SORBS2: variants seen among roughly 807,000 people sequenced by gnomAD.
SORBS2 encodes the protein sorbin and SH3 domain-containing protein 2.
SORBS2 carries 46 observed loss-of-function variants against 97.7 expected under a neutral mutation model. The observed-to-expected ratio is 0.47, with a 90% CI of 0.37 to 0.60. The LOEUF (loss-of-function observed/expected upper bound fraction) is 0.60. Ranked by LOEUF, SORBS2 falls within the 20% of genes least tolerant of loss-of-function variation. SORBS2 has a pLI of 0.00. For missense variants in SORBS2, 1,316 were observed against 1,282.3 expected, an observed-to-expected ratio of 1.03 and a Z score of -0.40; for synonymous variants, 476 against 473.4, an observed-to-expected ratio of 1.01 and a Z score of -0.07.
At chr4:185,704,637 T>C (rs1420156556) in intron 2 of SORBS2, among the ~76,000 whole-genome samples, 39 of 151,536 alleles carry the variant, frequency 2.6e-4, no homozygotes, top group Non-Finnish European at 8.8e-5. Flanking sequence ...CATTATTCAA[T>C]TCATTAATCA....
At chr4:185,585,756 T>C (rs1462757892) in exon 15 of SORBS2, 1 of 152,242 alleles carries the variant, frequency 6.6e-6, no homozygotes, top group Non-Finnish European at 1.5e-5. Flanking sequence ...CAAAGCTGCA[T>C]GCAGTTGACT....
At chr4:185,855,301 G>T (rs1388762414) in intron 1 of SORBS2, among the ~76,000 whole-genome samples, 1 of 152,082 alleles carries the variant, frequency 6.6e-6, no homozygotes, top group Admixed American at 6.5e-5. Flanking sequence ...CACAACTCAG[G>T]TGTGAGACGT....
Position 185,623,977 on chromosome 4 carries a change from G to T in SORBS2, c.1152C>A (p.Tyr384Ter). The T allele has an allele frequency of 6.2e-7, 1 of 1,614,204 alleles. No individual in the cohort carries two copies. Among genetic ancestry groups the T allele is most frequent in the Non-Finnish European group, 8.5e-7 (1 of 1,180,038 alleles). The change falls in exon 7 of 15, where the codon TAC becomes TAA. Residue 384 changes from tyrosine (Y) to a stop codon, truncating the protein, a stop_gained. Transcript: ENST00000418609. LOFTEE classifies it high-confidence loss of function. The surrounding 1 kb of genome is among the most constrained non-coding windows in gnomAD (Gnocchi z 6.4). ...GGTCCTTGTGCTGCTGCTCGCTCTC[G>T]TACTGCAGAATCCTGGACTTCACGG...
At chr4:185,624,202 C>A (rs1407129111) in exon 7 of SORBS2, 1 of 1,614,214 alleles carries the variant, frequency 6.2e-7, no homozygotes. Context: ...ACAGGGAGCC[C>A]ATGCTTTCCG....
chr4:185,929,654 G>A (rs1176776524), intron 1 of SORBS2, among the ~76,000 whole-genome samples: 1 of 151,646 alleles, frequency 6.6e-6, no homozygotes, highest in African/African-American at 2.4e-5. Context: ...TCCTGCCTCA[G>A]CCTCCCGAAT....
intron 1 of SORBS2, among the ~76,000 whole-genome samples, chr4:185,886,410 C>A (rs1029443516): frequency 8.6e-5 from 13 of 151,746 alleles, no homozygotes; most frequent in African/African-American, 3.1e-4. Context: ...AAAAAATTAG[C>A]CGGGCATGGT....
intron 4 of SORBS2, among the ~76,000 whole-genome samples, chr4:185,663,170 A>T (rs1284344753): frequency 6.6e-6 from 1 of 152,222 alleles, no homozygotes. Context: ...AAGATCAAAC[A>T]TTAGTAAGAA....
rs372064670 is a variant in SORBS2 at position 185,611,904 on chromosome 4, C to T, written c.2672G>A (p.Gly891Asp). ...CTCCACATAGGAAACAGGGAAGATG[C>T]CTTGTCTGTTGGTTCCTGGGATTTT... Residue 891 changes from glycine (G) to aspartate (D), a missense_variant, in exon 12 of 15, where the codon GGC becomes GAC. Physicochemically the swap from Gly to Asp is moderately conservative, Grantham distance 94. Coordinates refer to ENST00000418609, the Ensembl canonical transcript of SORBS2. 45 of 1,613,560 alleles carry T rather than the reference C, an allele frequency of 2.8e-5. No individual in the cohort carries two copies. The African/African-American group carries it at 4.8e-4, about 17-fold the overall frequency.
chr4:185,627,364 C>T (rs1307095922), intron 5 of SORBS2, among the ~76,000 whole-genome samples: 11 of 152,124 alleles, frequency 7.2e-5, no homozygotes, highest in Admixed American at 2.6e-4. Context: ...TGGGTGCCAC[C>T]TCACCTGGCT....
chr4:185,915,645 G>C (rs547774360), intron 1 of SORBS2, among the ~76,000 whole-genome samples: 2 of 151,632 alleles, frequency 1.3e-5, no homozygotes, highest in East Asian at 3.9e-4. Context: ...AATATTTATT[G>C]GGAATTCCCT....
chr4:185,728,730 AGG>A (rs2153568504), intron 2 of SORBS2, among the ~76,000 whole-genome samples: 1 of 152,332 alleles, frequency 6.6e-6, no homozygotes, highest in African/African-American at 2.4e-5. Context: ...CTTCTCTCCC[AGG>A]GTGACATCTC....
intron 1 of SORBS2, among the ~76,000 whole-genome samples, chr4:185,848,751 T>A (rs1579178211): frequency 6.7e-6 from 1 of 148,824 alleles, no homozygotes; most frequent in East Asian, 2.0e-4. Flanking sequence ...TAGCTGGGAC[T>A]ACAGGCAGCC....
Position 185,620,033 on chromosome 4 carries a change from G to A in SORBS2, c.2304+30C>T, listed in dbSNP as rs780831042. 13 of 1,359,330 alleles carry A rather than the reference G, an allele frequency of 9.6e-6. No individual in the cohort carries two copies. The Admixed American group carries it at 2.2e-4, about 23-fold the overall frequency. The allele number at this position is 1,359,330 out of a possible 1,614,324, so 84.2% of individuals were successfully genotyped here. A position where few individuals can be genotyped will look rare whatever the true frequency, so the allele number is the denominator to read the frequency against. ...AGTGCTGTATCAAGTGTGTTGCTGT[G>A]AAAGACTCCAATGCTATTAAATTAA... On this transcript the variant is annotated intron_variant, in intron 8 of 14. Coordinates refer to ENST00000418609, the Ensembl canonical transcript of SORBS2.
chr4:185,696,937 T>C (rs370525552), intron 2 of SORBS2, among the ~76,000 whole-genome samples: 1 of 152,212 alleles, frequency 6.6e-6, no homozygotes, highest in African/African-American at 2.4e-5. Flanking sequence ...TGAAAATAAT[T>C]CAGATTCTGA....
intron 1 of SORBS2, among the ~76,000 whole-genome samples, chr4:185,909,400 G>C (rs1239426398): frequency 6.6e-6 from 1 of 152,152 alleles, no homozygotes; most frequent in Non-Finnish European, 1.5e-5. Context: ...TATGTGGGGA[G>C]GGGGTGGATG....
chr4:185,782,432 C>T (rs921884922), intron 1 of SORBS2, among the ~76,000 whole-genome samples: 7 of 152,162 alleles, frequency 4.6e-5, no homozygotes, highest in African/African-American at 1.7e-4. Flanking sequence ...TTTTCACAAC[C>T]ATGTGATACT....
intron 4 of SORBS2, among the ~76,000 whole-genome samples, chr4:185,675,632 T>C (rs1396436538): frequency 6.6e-6 from 1 of 152,194 alleles, no homozygotes; most frequent in Non-Finnish European, 1.5e-5. Flanking sequence ...TAGTAATACC[T>C]ACTCCATGAG....
chr4:185,654,026 C>T (rs1376624209), intron 1 of SORBS2, among the ~76,000 whole-genome samples: 5 of 152,168 alleles, frequency 3.3e-5, no homozygotes, highest in Non-Finnish European at 7.3e-5. Flanking sequence ...TTCCTCTGGA[C>T]ATTAAGGGTT....
chr4:185,691,444 G>A (rs2098091582), intron 2 of SORBS2, among the ~76,000 whole-genome samples: 1 of 152,138 alleles, frequency 6.6e-6, no homozygotes, highest in Admixed American at 6.5e-5. Context: ...TGAAATGATT[G>A]CCTGTTAAGT....
Sources: gnomAD v4.1 joint callset for allele counts (sites outside exome capture counted in the v4.1 genomes callset) on GRCh38, gnomAD v4.1.1 for gene constraint, Gnocchi (gnomAD v3.1) non-coding constraint, MANE v1.5 for transcripts, NCBI Gene and HGNC (gene_info 2026-07-23, HGNC 2026-07-21) for gene names.